Variants in KLF13 observed in about 807,000 individuals in gnomAD.
KLF13 encodes the protein Krueppel-like factor 13.
KLF13 carries 8 observed loss-of-function variants against 16.7 expected under a neutral mutation model. The ratio of observed to expected loss-of-function variants is 0.48; its 90% confidence interval spans 0.28 to 0.87. The LOEUF (loss-of-function observed/expected upper bound fraction) is 0.87, where lower values mean the gene tolerates loss of function less well. KLF13 is among the 40% of genes least tolerant of loss of function. KLF13 has a pLI of 0.10. For missense variants in KLF13, 447 were observed against 452.2 expected (o/e 0.99, Z 0.10); for synonymous variants, 245 against 208.4 (o/e 1.18, Z -1.51).
chr15:31,349,166 C>T (rs1363246699), intron 1 of KLF13, among the ~76,000 whole-genome samples: 2 of 152,204 alleles, frequency 1.3e-5, no homozygotes, highest in Non-Finnish European at 2.9e-5. Flanking sequence ...CTCTGCAGGC[C>T]TACTCCCCCA....
At chr15:31,368,958 T>C (rs1193614801) in intron 1 of KLF13, among the ~76,000 whole-genome samples, 1 of 152,252 alleles carries the variant, frequency 6.6e-6, no homozygotes, top group East Asian at 1.9e-4. Flanking sequence ...TTTAGTTGTC[T>C]TGATGGTTAC....
chr15:31,380,019 C>T (rs577142948), downstream of KLF13, among the ~76,000 whole-genome samples: 29 of 152,298 alleles, frequency 1.9e-4, no homozygotes, highest in Admixed American at 1.6e-3. Context: ...GACTTCTGGC[C>T]GCGCGCAGTG....
At chr15:31,433,631 C>T (rs558820844) in intron 1 of KLF13, among the ~76,000 whole-genome samples, 5 of 152,278 alleles carry the variant, frequency 3.3e-5, no homozygotes, top group African/African-American at 1.2e-4. Context: ...CTAGGATGCC[C>T]GTCCAGCCTG....
chr15:31,406,392 G>T (rs753968932), downstream of KLF13, among the ~76,000 whole-genome samples: 1 of 152,286 alleles, frequency 6.6e-6, no homozygotes, highest in East Asian at 1.9e-4. Context: ...CAGGAGAATC[G>T]CTTGAACCCG....
chr15:31,342,878 A>G (rs1378153131), intron 1 of KLF13, among the ~76,000 whole-genome samples: 1 of 151,956 alleles, frequency 6.6e-6, no homozygotes, highest in Non-Finnish European at 1.5e-5. Flanking sequence ...ATTTTGTTGT[A>G]TAGAGGCGCT....
Position 31,337,245 on chromosome 15 carries a change from C to T in KLF13, c.577+9456C>T, listed in dbSNP as rs28367538. 1.4e-3 allele frequency among the ~76,000 whole-genome samples: 206 copies of T among 152,356 alleles called. 1 individual carries two copies. Among genetic ancestry groups the T allele is most frequent in the African/African-American group, 4.6e-3 (192 of 41,584 alleles). ...CCCATCGCTGAGGTCTTACTTCCTT[C>T]TTCCGCCCGCCTTACACGTGGAAGG... On this transcript the variant is annotated intron_variant, in intron 1 of 1. Coordinates refer to ENST00000307145, the MANE Select transcript of KLF13 (RefSeq NM_015995.4).
chr15:31,405,205 T>C (rs879853783), downstream of KLF13, among the ~76,000 whole-genome samples: 1 of 152,040 alleles, frequency 6.6e-6, no homozygotes, highest in Non-Finnish European at 1.5e-5. Flanking sequence ...TTCCAGCTAC[T>C]CTGGAGGCTG....
intron 1 of KLF13, among the ~76,000 whole-genome samples, chr15:31,367,608 C>G (rs1282898454): frequency 1.3e-5 from 2 of 152,202 alleles, no homozygotes; most frequent in Non-Finnish European, 2.9e-5. Flanking sequence ...GGACAAGGCT[C>G]CTCACAAGGG....
chr15:31,377,205 G>A lies in KLF13; in HGVS notation c.*4906G>A, dbSNP rs1168793318. On this transcript the variant is annotated 3_prime_UTR_variant, in exon 2 of 2. Coordinates refer to ENST00000307145, the MANE Select transcript of KLF13 (RefSeq NM_015995.4). ...AGGAGCAAGAGGCCACCTCCCATGT[G>A]GCTCTAGACACCACGTGGGCTCATT... 6.6e-6 allele frequency: 1 copy of A among 152,656 alleles called. No homozygotes were observed. The highest frequency in any genetic ancestry group is 1.5e-5 in the Non-Finnish European group (1 of 68,066). 9.5% of individuals were successfully genotyped at this position (152,656 alleles called of 1,614,324 possible). A position where few individuals can be genotyped will look rare whatever the true frequency, so the allele number is the denominator to read the frequency against.
chr15:31,335,059 G>A (rs1473852009), intron 1 of KLF13, among the ~76,000 whole-genome samples: 2 of 152,202 alleles, frequency 1.3e-5, no homozygotes, highest in East Asian at 1.9e-4. Context: ...CCATAGCCAC[G>A]TACATGTGTA....
chr15:31,392,123 C>T (rs1344582159), upstream of KLF13, among the ~76,000 whole-genome samples: 1 of 152,190 alleles, frequency 6.6e-6, no homozygotes, highest in African/African-American at 2.4e-5. Context: ...CAGCCCCAGG[C>T]CCTCGCGGCC....
At chr15:31,370,076 C>T in intron 1 of KLF13, among the ~76,000 whole-genome samples, 1 of 127,444 alleles carries the variant, frequency 7.8e-6, no homozygotes, top group Non-Finnish European at 1.6e-5. Flanking sequence ...TACTCTTTGA[C>T]AGAGACTGTT....
chr15:31,332,567 G>T (rs996370248), intron 1 of KLF13, among the ~76,000 whole-genome samples: 1 of 152,198 alleles, frequency 6.6e-6, no homozygotes, highest in South Asian at 2.1e-4. Flanking sequence ...CTGATAGGAC[G>T]CAGTTCATTA....
intron 1 of KLF13, among the ~76,000 whole-genome samples, chr15:31,346,552 C>G (rs1274303454): frequency 6.6e-6 from 1 of 152,230 alleles, no homozygotes; most frequent in Non-Finnish European, 1.5e-5. Flanking sequence ...CAGGCCAGAG[C>G]CCCAAGGCCT....
chr15:31,365,960 TG>T (rs1310290825), intron 1 of KLF13, among the ~76,000 whole-genome samples: 1 of 14,288 alleles, frequency 7.0e-5, no homozygotes, highest in Admixed American at 8.2e-4. Context: ...GAGCAGCATG[TG>T]GGACGCTGTG....
At chr15:31,371,797 C>T (rs1318617078) in intron 1 of KLF13, among the ~76,000 whole-genome samples, 1 of 152,236 alleles carries the variant, frequency 6.6e-6, no homozygotes, top group African/African-American at 2.4e-5. Context: ...TTATCCTAGG[C>T]CGTGTCCTCT....
intron 1 of KLF13, among the ~76,000 whole-genome samples, chr15:31,349,100 A>C (rs1260097378): frequency 1.3e-5 from 2 of 152,186 alleles, no homozygotes; most frequent in African/African-American, 4.8e-5. Context: ...TATAGTGCCC[A>C]GCGTTCTTGC....
intron 2 of KLF13, among the ~76,000 whole-genome samples, chr15:31,399,831 C>G (rs1003496554): frequency 3.9e-5 from 6 of 152,256 alleles, no homozygotes; most frequent in African/African-American, 1.4e-4. Flanking sequence ...GGGCAGGCCA[C>G]AGGGAGGGGC....
At chr15:31,431,010 T>A (rs2040465212) in intron 1 of KLF13, among the ~76,000 whole-genome samples, 1 of 152,154 alleles carries the variant, frequency 6.6e-6, no homozygotes, top group Non-Finnish European at 1.5e-5. Context: ...AATTCATACG[T>A]TGAAATTCTA....
Sources: gnomAD v4.1 joint callset for allele counts (sites outside exome capture counted in the v4.1 genomes callset) on GRCh38, gnomAD v4.1.1 for gene constraint, MANE v1.5 for transcripts, NCBI Gene and HGNC (gene_info 2026-07-23, HGNC 2026-07-21) for gene names.